The following RGL3 variants were observed in gnomAD, a reference collection of about 807,000 sequenced individuals.
RGL3 encodes the protein ral guanine nucleotide dissociation stimulator-like 3.
Under a neutral mutation model 90.6 loss-of-function variants are expected in RGL3, and 85 were observed. The ratio of observed to expected loss-of-function variants is 0.94; its 90% CI spans 0.79 to 1.12. The LOEUF (loss-of-function observed/expected upper bound fraction) is 1.12, where lower values mean the gene tolerates loss of function less well. Ranked by LOEUF, RGL3 falls within the 50% of genes most tolerant of loss-of-function variation. RGL3 has a pLI of 0.00. For synonymous variants in RGL3, 408 were observed against 385.5 expected (o/e 1.06, Z -0.68); for missense variants, 1,034 against 939.2 (o/e 1.10, Z -1.32).
At chr19:11,415,352 C>G (rs1221373082) in intron 5 of RGL3, among the ~76,000 whole-genome samples, 1 of 151,578 alleles carries the variant, frequency 6.6e-6, no homozygotes, top group East Asian at 1.9e-4. Context: ...AAGACCCTGA[C>G]TCAAAAAAAA....
Position 11,406,519 on chromosome 19 carries a change from T to C in RGL3, c.896A>G (p.Asn299Ser), listed in dbSNP as rs1968783374. 1 of 1,552,858 alleles carries C rather than the reference T, an allele frequency of 6.4e-7. No individual in the cohort carries two copies. Among genetic ancestry groups the C allele is most frequent in the Non-Finnish European group, 8.7e-7 (1 of 1,150,032 alleles). Reference protein sequence around the residue: ...PTVRATVAQFNTVTGCVLGSV... With the variant: ...PTVRATVAQFSTVTGCVLGSV... ...ACCCAGCACACAGCCGGTCACGGTG[T>C]TGAACTGGGCCACGGTGGCGCGCAC... The change falls in exon 7 of 19, where the codon AAC becomes AGC. Residue 299 changes from asparagine to serine, a missense_variant. By Grantham distance (46) the Asn-to-Ser change is conservative (BLOSUM62 1). Coordinates refer to ENST00000380456, the MANE Select transcript of RGL3 (RefSeq NM_001035223.4).
chr19:11,397,335 G>A lies in RGL3; in HGVS notation c.1923C>T (p.Pro641=), dbSNP rs761509045. The A allele has an allele frequency of 4.4e-6, 7 of 1,607,272 alleles. No homozygotes were observed. In the South Asian group the frequency reaches 7.8e-5, roughly 18 times the overall value. The change falls in exon 18 of 19, where the codon CCC becomes CCT. Residue 641 remains proline, a synonymous_variant. Coordinates refer to ENST00000380456, the MANE Select transcript of RGL3 (RefSeq NM_001035223.4). ...TCTGCAAGGCTCGCCGGACCACGCT[G>A]GGGGCTTTGTCCTGACTGGTCAGCT... is the stretch of plus-strand genomic sequence containing the variant. ...SILLTSQDKA[P]SVVRRALQKH...
At chr19:11,413,235 A>G (rs1475439289) in intron 5 of RGL3, among the ~76,000 whole-genome samples, 4 of 149,980 alleles carry the variant, frequency 2.7e-5, no homozygotes, top group East Asian at 3.9e-4. Flanking sequence ...GAAAAAGAAA[A>G]AAAAAAAAAA....
intron 17 of RGL3, 30 bp from the exon 18 acceptor site, chr19:11,397,388 G>A: frequency 6.3e-7 from 1 of 1,588,564 alleles, no homozygotes; most frequent in Non-Finnish European, 8.6e-7. Flanking sequence ...GGTGAGGTGA[G>A]GGCCCCGGCC....
In RGL3 at chr19:11,416,090, G is replaced by T; in HGVS notation, c.484C>A (p.His162Asn). 1.2e-6 allele frequency: 2 copies of T among 1,605,282 alleles called. No individual in the cohort carries two copies. Among genetic ancestry groups the T allele is most frequent in the Non-Finnish European group, 1.7e-6 (2 of 1,176,446 alleles). Residue 162 changes from histidine (H) to asparagine (N), a missense_variant, in exon 5 of 19, where the codon CAC becomes AAC. By Grantham distance (68) the His-to-Asn change is moderately conservative (BLOSUM62 1). Coordinates refer to ENST00000380456, the MANE Select transcript of RGL3 (RefSeq NM_001035223.4). ...LQDHPQDFRD[H>N]PAHSDLGSVR... ...CTGCCCAGGTCCGAATGGGCAGGGT[G>T]GTCTCGGAAATCCTGAGGGTGGTCC... is the stretch of plus-strand genomic sequence containing the variant.
chr19:11,396,156 ATATTTTTTTT>A lies in RGL3; in HGVS notation c.2014+1078_2014+1087del, dbSNP rs1968567418. 1.2e-4 allele frequency among the ~76,000 whole-genome samples: 6 copies of A among 51,332 alleles called. 1 individual carries two copies. The highest frequency in any genetic ancestry group is 4.8e-4 in the African/African-American group (5 of 10,388). 33.7% of individuals were successfully genotyped at this position (51,332 alleles called of 152,430 possible). A position where few individuals can be genotyped will look rare whatever the true frequency, so the allele number is the denominator to read the frequency against. On this transcript the variant is annotated intron_variant, in intron 18 of 18. Coordinates refer to ENST00000380456, the MANE Select transcript of RGL3 (RefSeq NM_001035223.4). ...TCTCTCTATATATATATATATATAT[ATATTTTTTTT>A]TTTTTTTTTTTTTTTTTTTTGAGAC...
intron 1 of RGL3, chr19:11,419,010 G>A: frequency 1.6e-6 from 1 of 640,754 alleles, no homozygotes; most frequent in South Asian, 1.9e-5. Context: ...ATGTCCCAGG[G>A]CCCAGTCTAA....
In RGL3 at chr19:11,396,100, ATCTCTCTCTCTC is replaced by A. The variant is rs66711304; in HGVS notation, c.2014+1132_2014+1143del. Among the ~76,000 whole-genome samples the A allele has an allele frequency of 1.9e-3, 65 of 33,930 alleles. 1 individual carries two copies. Among genetic ancestry groups the A allele is most frequent in the South Asian group, 0.011 (5 of 474 alleles). The allele number at this position is 33,930 out of a possible 152,430, so 22.3% of individuals were successfully genotyped here. On this transcript the variant is annotated intron_variant, in intron 18 of 18. Transcript: ENST00000380456. ...AGGCACATGCCACCATGCTCAGCTAATCTCTCTCTCTCTCTCTCTCTCTCTCTCTCTCTCTCT... is the reference window on the plus strand; with the variant it reads ...AGGCACATGCCACCATGCTCAGCTAATCTCTCTCTCTCTCTCTCTCTCTCT...
At chr19:11,416,715 GC>G (rs1270815054) in intron 3 of RGL3, 48 bp from the exon 4 acceptor site, 3 of 1,601,390 alleles carry the variant, frequency 1.9e-6, no homozygotes, top group Non-Finnish European at 2.6e-6. Flanking sequence ...CCTAGAGGGG[GC>G]TTAGGAAGAG....
intron 5 of RGL3, among the ~76,000 whole-genome samples, chr19:11,414,018 T>C (rs976511838): frequency 4.0e-5 from 6 of 148,952 alleles, no homozygotes; most frequent in African/African-American, 1.5e-4. Flanking sequence ...AGTGCTGGGA[T>C]TATAGGCATG....
intron 9 of RGL3, among the ~76,000 whole-genome samples, chr19:11,403,358 G>A: frequency 6.8e-6 from 1 of 148,036 alleles, no homozygotes. Flanking sequence ...TTAAGAAAGG[G>A]CTGGACATGG....
chr19:11,405,099 C>G (rs747329842), intron 9 of RGL3, 48 bp downstream of exon 9: 34 of 1,532,186 alleles, frequency 2.2e-5, no homozygotes, highest in Non-Finnish European at 2.9e-5. Flanking sequence ...CAAGTCCCTC[C>G]CCCGACTTCC....
chr19:11,414,777 A>C (rs548898753), intron 5 of RGL3, among the ~76,000 whole-genome samples: 8 of 151,902 alleles, frequency 5.3e-5, no homozygotes, highest in South Asian at 4.2e-4. Flanking sequence ...CAGAGCTGGG[A>C]GCAAGAACAA....
chr19:11,410,254 G>T (rs1212884367), intron 5 of RGL3, among the ~76,000 whole-genome samples: 6 of 151,534 alleles, frequency 4.0e-5, no homozygotes, highest in Non-Finnish European at 8.8e-5. Flanking sequence ...TCCTGCCTCG[G>T]CTTCCCAACG....
Position 11,400,212 on chromosome 19 carries a change from G to A in RGL3, c.1570C>T (p.Arg524Cys), listed in dbSNP as rs1176519828. The A allele has an allele frequency of 1.3e-5, 21 of 1,588,718 alleles. No homozygotes were observed. In the East Asian group the frequency reaches 2.7e-4, roughly 21 times the overall value. ...RIRRRISLTK[R>C]LSAKLAREKS... Reference sequence around the variant, plus strand: ...CACCCCGAGACTCACGCACTGAGACGCTTGGTGAGGCTGATCCGCCGTCGG... The same window carrying A: ...CACCCCGAGACTCACGCACTGAGACACTTGGTGAGGCTGATCCGCCGTCGG... The change falls in exon 14 of 19, where the codon CGT becomes TGT. Residue 524 changes from arginine (R) to cysteine (C), a missense_variant. Arg to Cys is a radical substitution (Grantham distance 180, BLOSUM62 -3). Transcript: ENST00000380456.
chr19:11,417,722 G>A lies in RGL3; in HGVS notation c.148-663C>T, dbSNP rs1027763212. Among the ~76,000 whole-genome samples the A allele has an allele frequency of 9.9e-5, 15 of 150,904 alleles. No homozygotes were observed. In the South Asian group the frequency reaches 2.3e-3, roughly 23 times the overall value. ...CCTGACCTGATGATCCACTTGCCTC[G>A]GCCTCCCAAAGTGCTGGGATTACAG... On this transcript the variant is annotated intron_variant, in intron 2 of 18. Transcript: ENST00000380456.
rs1898252730 is a variant in RGL3 at position 11,397,432 on chromosome 19, C to G, written c.1899+13G>C. 1.9e-6 allele frequency: 3 copies of G among 1,598,214 alleles called. No individual in the cohort carries two copies. The highest frequency in any genetic ancestry group is 2.6e-6 in the Non-Finnish European group (3 of 1,170,462). On this transcript the variant is annotated intron_variant, in intron 17 of 18. Transcript: ENST00000380456. ...AGGGCAGCCTCCAGCAGACCCCCAG[C>G]CCAGCCCCTCACCAAGATGCTTCGA... is the stretch of plus-strand genomic sequence containing the variant.
At chr19:11,405,293 G>C in intron 8 of RGL3, 30 bp downstream of exon 8, 1 of 1,611,444 alleles carries the variant, frequency 6.2e-7, no homozygotes, top group Non-Finnish European at 8.5e-7. Context: ...ACCTGGGATG[G>C]GCTGGGGAAC....
intron 18 of RGL3, among the ~76,000 whole-genome samples, 180 bp downstream of exon 18, chr19:11,397,064 C>T (rs920899190): frequency 3.9e-5 from 6 of 152,124 alleles, no homozygotes; most frequent in Non-Finnish European, 8.8e-5. Context: ...GACCCTACAT[C>T]GTTGGGTTAC....
Sources: gnomAD v4.1 joint callset for allele counts (sites outside exome capture counted in the v4.1 genomes callset) on GRCh38, gnomAD v4.1.1 for gene constraint, MANE v1.5 for transcripts, NCBI Gene and HGNC (gene_info 2026-07-23, HGNC 2026-07-21) for gene names.